GLDC: variants seen among roughly 807,000 people sequenced by gnomAD.
The protein encoded by GLDC is glycine dehydrogenase (decarboxylating), mitochondrial.
In GLDC, 104 loss-of-function variants were observed where a neutral mutation model predicts 121.3. The ratio of observed to expected loss-of-function variants is 0.86; its 90% CI spans 0.73 to 1.01. The LOEUF is 1.01. Among genes scored for constraint, GLDC ranks in the 50% least tolerant of loss-of-function variants. The probability of loss-of-function intolerance (pLI) is 0.00; values close to 1 mark genes in which losing one functional copy is unlikely to be tolerated. For synonymous variants in GLDC, 546 were observed against 480.6 expected (o/e 1.14, Z -1.78); for missense variants, 1,429 against 1,306.6 (o/e 1.09, Z -1.44).
At chr9:6,639,342 G>T (rs1291985110) in intron 2 of GLDC, 4 of 943,156 alleles carry the variant, frequency 4.2e-6, no homozygotes, top group African/African-American at 1.6e-5. Flanking sequence ...GCGCCCCCAG[G>T]AGAAACAAGC....
intron 16 of GLDC, 50 bp from the exon 17 acceptor site, chr9:6,558,734 T>G (rs759198148): frequency 1.2e-6 from 2 of 1,604,876 alleles, no homozygotes; most frequent in Non-Finnish European, 1.7e-6. Context: ...CATCAGACTA[T>G]GAATAATGAC....
chr9:6,589,170 C>G (rs762380695), intron 12 of GLDC, 25 bp downstream of exon 12: 6 of 1,402,204 alleles, frequency 4.3e-6, no homozygotes, highest in Non-Finnish European at 5.1e-6. Context: ...GCACAAAACG[C>G]AGAAGTCACA....
At chr9:6,642,755 C>G (rs1819654142) in intron 2 of GLDC, among the ~76,000 whole-genome samples, 1 of 152,054 alleles carries the variant, frequency 6.6e-6, no homozygotes. Flanking sequence ...ATAAAAATAG[C>G]TAACCTAAAC....
At chr9:6,612,753 T>C (rs887251705) in intron 3 of GLDC, among the ~76,000 whole-genome samples, 4 of 152,070 alleles carry the variant, frequency 2.6e-5, no homozygotes, top group African/African-American at 9.7e-5. Context: ...TCCCAGCTAC[T>C]TGGGAGGCTG....
chr9:6,589,053 G>A (rs559776975), intron 12 of GLDC, 142 bp downstream of exon 12: 117 of 728,106 alleles, frequency 1.6e-4, no homozygotes, highest in Admixed American at 1.1e-3. Flanking sequence ...GAACGGGATC[G>A]TTATGAGGAT....
At chr9:6,540,186 CTTA>C (rs1413666411) in intron 21 of GLDC, 40 bp from the exon 22 acceptor site, 5 of 1,231,488 alleles carry the variant, frequency 4.1e-6, no homozygotes, top group Non-Finnish European at 6.0e-6. Flanking sequence ...TTAGCATCAG[CTTA>C]TTGTTTTACC....
At chr9:6,573,380 G>C (rs559153880) in intron 15 of GLDC, among the ~76,000 whole-genome samples, 58 of 152,294 alleles carry the variant, frequency 3.8e-4, no homozygotes, top group African/African-American at 1.4e-3. Flanking sequence ...AGAATCGCTT[G>C]AGCCCGGCAG....
intron 15 of GLDC, among the ~76,000 whole-genome samples, chr9:6,577,154 C>T (rs1012619297): frequency 2.0e-5 from 3 of 152,242 alleles, no homozygotes; most frequent in African/African-American, 4.8e-5. Context: ...AAGGATGAGG[C>T]AGAGCCAGCA....
Position 6,586,951 on chromosome 9 carries a change from C to A in GLDC, c.1850+190G>T, listed in dbSNP as rs146159706. On this transcript the variant is annotated intron_variant, in intron 15 of 24. Transcript: ENST00000321612. Reference sequence around the variant, plus strand: ...GAACATCCTCAAATGCACTCCCAGCCCACAGCTCCTCACCAGCTATGTGAG... The same window carrying A: ...GAACATCCTCAAATGCACTCCCAGCACACAGCTCCTCACCAGCTATGTGAG... 2.0e-5 allele frequency among the ~76,000 whole-genome samples: 3 copies of A among 152,292 alleles called. No homozygotes were observed. The East Asian group carries it at 5.8e-4, about 29-fold the overall frequency.
intron 2 of GLDC, among the ~76,000 whole-genome samples, chr9:6,627,361 C>T (rs942843797): frequency 1.3e-5 from 2 of 150,318 alleles, no homozygotes; most frequent in Non-Finnish European, 3.0e-5. Context: ...ATCTGTAAGA[C>T]CCAGAAGCAT....
At chr9:6,541,772 A>T (rs1324800526) in intron 21 of GLDC, 1 of 138,906 alleles carries the variant, frequency 7.2e-6, no homozygotes, top group Non-Finnish European at 1.5e-5. Flanking sequence ...GGTTGCAGTG[A>T]GCCGAGATGG....
intron 16 of GLDC, among the ~76,000 whole-genome samples, chr9:6,561,365 T>C (rs1429230057): frequency 6.6e-6 from 1 of 152,184 alleles, no homozygotes; most frequent in Admixed American, 6.5e-5. Flanking sequence ...AATTGTAGTG[T>C]TGGCCGGGCG....
chr9:6,623,892 G>C (rs1405847651), intron 2 of GLDC, among the ~76,000 whole-genome samples: 1 of 152,200 alleles, frequency 6.6e-6, no homozygotes, highest in Non-Finnish European at 1.5e-5. Flanking sequence ...ACGCCCAGTA[G>C]GAGGAAAGAT....
At chr9:6,624,678 G>A (rs915192951) in intron 2 of GLDC, among the ~76,000 whole-genome samples, 1 of 152,160 alleles carries the variant, frequency 6.6e-6, no homozygotes, top group Non-Finnish European at 1.5e-5. Flanking sequence ...CTTGGGCCCA[G>A]CTGGCCAGTT....
intron 22 of GLDC, among the ~76,000 whole-genome samples, chr9:6,536,664 G>A (rs1013550370): frequency 5.3e-5 from 8 of 152,058 alleles, no homozygotes; most frequent in Non-Finnish European, 7.4e-5. Flanking sequence ...AAATATGGCC[G>A]GAAAATGAGA....
chr9:6,618,028 A>G (rs1426412379), intron 3 of GLDC, among the ~76,000 whole-genome samples: 2 of 152,212 alleles, frequency 1.3e-5, no homozygotes, highest in Non-Finnish European at 2.9e-5. Context: ...TCATGTCATG[A>G]TGATCCTGCT....
At chr9:6,593,233 T>C (rs1306937795) in intron 9 of GLDC, 7 of 427,264 alleles carry the variant, frequency 1.6e-5, no homozygotes, top group African/African-American at 1.2e-4. Context: ...TTTTGGTGTA[T>C]TATTTCTCAA....
intron 2 of GLDC, among the ~76,000 whole-genome samples, chr9:6,635,307 G>T (rs544028355): frequency 6.6e-6 from 1 of 152,168 alleles, no homozygotes; most frequent in African/African-American, 2.4e-5. Context: ...TGTAGAAGGA[G>T]ATTTGGCAAT....
intron 3 of GLDC, among the ~76,000 whole-genome samples, chr9:6,612,454 C>G (rs2129924768): frequency 6.6e-6 from 1 of 152,238 alleles, no homozygotes; most frequent in East Asian, 1.9e-4. Context: ...TAGATGGAGG[C>G]TGGGCATGGT....
Sources: gnomAD v4.1 joint callset for allele counts (sites outside exome capture counted in the v4.1 genomes callset) on GRCh38, gnomAD v4.1.1 for gene constraint, MANE v1.5 for transcripts, NCBI Gene and HGNC (gene_info 2026-07-23, HGNC 2026-07-21) for gene names.